Variants in OSMR observed in about 807,000 individuals in gnomAD.
The protein encoded by OSMR is oncostatin-M-specific receptor subunit beta.
Under a neutral mutation model 99.9 loss-of-function variants are expected in OSMR, and 81 were observed. That is an observed-to-expected ratio of 0.81 (90% CI 0.68 to 0.97). The LOEUF is 0.97. Ranked by LOEUF, OSMR falls within the 50% of genes least tolerant of loss-of-function variation. The probability of loss-of-function intolerance (pLI) is 0.00; values close to 1 mark genes in which losing one functional copy is unlikely to be tolerated. For missense variants in OSMR, 1,099 were observed against 1,153.4 expected, an observed-to-expected ratio of 0.95 and a Z score of 0.68; for synonymous variants, 406 against 410.4, an observed-to-expected ratio of 0.99 and a Z score of 0.13.
downstream of OSMR, among the ~76,000 whole-genome samples, chr5:38,935,846 A>C (rs1746997396): frequency 6.6e-6 from 1 of 152,206 alleles, no homozygotes; most frequent in African/African-American, 2.4e-5. Flanking sequence ...AACTTTGAGA[A>C]TCACTCGCCT....
At chr5:38,904,825 C>G (rs577847080) in intron 9 of OSMR, among the ~76,000 whole-genome samples, 28 of 152,248 alleles carry the variant, frequency 1.8e-4, no homozygotes, top group African/African-American at 6.0e-4. Flanking sequence ...TAATTCAGGA[C>G]AGTGGAAGTG....
intron 1 of OSMR, among the ~76,000 whole-genome samples, chr5:38,853,550 C>G (rs1351701066): frequency 1.3e-5 from 2 of 152,162 alleles, no homozygotes; most frequent in Admixed American, 6.5e-5. Context: ...GCTATTGTTC[C>G]AGTACCATTT....
At chr5:38,876,529 T>C (rs915698730) in intron 3 of OSMR, among the ~76,000 whole-genome samples, 156 bp downstream of exon 3, 2 of 152,244 alleles carry the variant, frequency 1.3e-5, no homozygotes, top group African/African-American at 2.4e-5. Flanking sequence ...TTTCTGTTAA[T>C]GATCCAGGAC....
At chr5:38,931,456 A>C (rs1308779255) in intron 15 of OSMR, among the ~76,000 whole-genome samples, 1 of 152,226 alleles carries the variant, frequency 6.6e-6, no homozygotes, top group Admixed American at 6.5e-5. Context: ...CAAGAGGGCA[A>C]GCCGATGTAT....
rs147990997 is a variant in OSMR at position 38,928,403 on chromosome 5, T to G, written c.2212+3032T>G. Among the ~76,000 whole-genome samples, 1,172 of 152,322 alleles carry G rather than the reference T, an allele frequency of 7.7e-3. 16 individuals carry two copies. Among genetic ancestry groups the G allele is most frequent in the African/African-American group, 0.027 (1,122 of 41,580 alleles). ...AATTTATAAAGGAAACAGGTTTAAG[T>G]GGCTCACGGTTCTGCATGGCTGAGG... On this transcript the variant is annotated intron_variant, in intron 15 of 17. Coordinates refer to ENST00000274276, the MANE Select transcript of OSMR (RefSeq NM_003999.3).
chr5:38,889,151 G>A (rs1333677363), intron 7 of OSMR, among the ~76,000 whole-genome samples: 4 of 151,884 alleles, frequency 2.6e-5, no homozygotes, highest in Admixed American at 6.6e-5. Context: ...GGCTATTCTA[G>A]GTTGATGTGT....
chr5:38,864,777 C>T (rs999506314), intron 1 of OSMR, among the ~76,000 whole-genome samples: 9 of 152,018 alleles, frequency 5.9e-5, no homozygotes, highest in Non-Finnish European at 8.8e-5. Flanking sequence ...GTCTATATCT[C>T]GTGCAAGAAT....
At chr5:38,897,743 G>A (rs1237624332) in intron 7 of OSMR, among the ~76,000 whole-genome samples, 1 of 151,994 alleles carries the variant, frequency 6.6e-6, no homozygotes, top group Non-Finnish European at 1.5e-5. Context: ...CTGTTTTGAT[G>A]TGGGCACTTA....
chr5:38,916,203 G>T (rs1745888339), intron 9 of OSMR, among the ~76,000 whole-genome samples: 1 of 152,128 alleles, frequency 6.6e-6, no homozygotes, highest in Non-Finnish European at 1.5e-5. Flanking sequence ...ATTAAAACGT[G>T]TGCCTTTTTA....
intron 9 of OSMR, among the ~76,000 whole-genome samples, chr5:38,913,836 C>A (rs1439955600): frequency 6.6e-6 from 1 of 152,190 alleles, no homozygotes; most frequent in Non-Finnish European, 1.5e-5. Context: ...CTTACAAGAA[C>A]GTTTTTGCAC....
rs116805376 is a variant in OSMR, at chr5:38,883,991, G to T, written c.583G>T (p.Val195Leu). 21 of 1,613,256 alleles carry T rather than the reference G, an allele frequency of 1.3e-5. No individual in the cohort carries two copies. The Admixed American group carries it at 2.2e-4, about 17-fold the overall frequency. ...QIHGEQLDPH[V>L]TAFNLNSVPF... Reference sequence around the variant, plus strand: ...TCATGGAGAACAACTTGATCCACATGTAACTGCATTCAACTTGAATAGTGT... The same window carrying T: ...TCATGGAGAACAACTTGATCCACATTTAACTGCATTCAACTTGAATAGTGT... The change falls in exon 5 of 18, where the codon GTA becomes TTA. Residue 195 changes from valine (V) to leucine (L), a missense_variant. By Grantham distance (32) the Val-to-Leu change is conservative. Transcript: ENST00000274276.
intron 1 of OSMR, among the ~76,000 whole-genome samples, chr5:38,857,824 T>C (rs920071118): frequency 3.3e-5 from 5 of 152,000 alleles, no homozygotes; most frequent in South Asian, 4.2e-4. Context: ...CGTGCCACCA[T>C]GCCTGGCTAA....
intron 7 of OSMR, among the ~76,000 whole-genome samples, chr5:38,897,571 T>G (rs1744601386): frequency 6.6e-6 from 1 of 152,088 alleles, no homozygotes; most frequent in Non-Finnish European, 1.5e-5. Context: ...TTGTCAATTT[T>G]GTTTATCTTT....
chr5:38,866,373 G>C (rs1455668403), intron 1 of OSMR, among the ~76,000 whole-genome samples: 1 of 152,182 alleles, frequency 6.6e-6, no homozygotes, highest in Non-Finnish European at 1.5e-5. Flanking sequence ...TGGCAGCCCT[G>C]ATGCTGGAGG....
chr5:38,886,140 A>G lies in OSMR; in HGVS notation c.941A>G (p.Asn314Ser). ...TATAACTTCACACTCATAGCTGAAA[A>G]TTACTTAAGGAAGAGAAGTGTCAAT... ...ETYNFTLIAE[N>S]YLRKRSVNIL... is the part of the protein sequence containing the mutation. Residue 314 changes from asparagine to serine, a missense_variant, in exon 7 of 18, where the codon AAT becomes AGT. Physicochemically the swap from Asn to Ser is conservative, Grantham distance 46 (BLOSUM62 1). Transcript: ENST00000274276. 6.2e-7 allele frequency: 1 copy of G among 1,614,132 alleles called. No individual in the cohort carries two copies. Among genetic ancestry groups the G allele is most frequent in the East Asian group, 2.2e-5 (1 of 44,884 alleles).
At chr5:38,925,077 G>T (rs1282584779) in intron 14 of OSMR, 127 bp from the exon 15 acceptor site, 77 of 1,513,528 alleles carry the variant, frequency 5.1e-5, no homozygotes, top group Non-Finnish European at 6.2e-5. Context: ...ATTTTTGTTT[G>T]GTATAAACAT....
intron 2 of OSMR, among the ~76,000 whole-genome samples, 196 bp downstream of exon 2, chr5:38,869,313 C>A (rs530733808): frequency 7.2e-5 from 11 of 152,218 alleles, no homozygotes; most frequent in African/African-American, 2.7e-4. Context: ...CTTGATGGCT[C>A]TCTTAATAAG....
At chr5:38,898,160 TTTC>T (rs1744644314) in intron 7 of OSMR, among the ~76,000 whole-genome samples, 1 of 152,176 alleles carries the variant, frequency 6.6e-6, no homozygotes, top group African/African-American at 2.4e-5. Context: ...CTTTGTTGAT[TTTC>T]TGTCTGGAAG....
In OSMR at chr5:38,934,397, C is replaced by G. The variant is rs1250905463; in HGVS notation, c.*953C>G. On this transcript the variant is annotated 3_prime_UTR_variant, in exon 18 of 18. Transcript: ENST00000274276. Reference sequence around the variant, plus strand: ...ATGCTAAAATAGTAAAATGAAACCTCATTGTTGGACATAATTTAGATATAA... The same window carrying G: ...ATGCTAAAATAGTAAAATGAAACCTGATTGTTGGACATAATTTAGATATAA... 2.0e-5 allele frequency: 3 copies of G among 152,190 alleles called. No homozygotes were observed. The highest frequency in any genetic ancestry group is 3.8e-4 in the East Asian group (2 of 5,200). 9.4% of individuals were successfully genotyped at this position (152,190 alleles called of 1,614,324 possible).
Sources: allele counts gnomAD v4.1 joint callset (sites outside exome capture counted in the v4.1 genomes callset), GRCh38; gene constraint gnomAD v4.1.1; transcripts MANE v1.5; gene names NCBI Gene and HGNC (gene_info 2026-07-23, HGNC 2026-07-21).